HMCN2: variants seen among roughly 807,000 people sequenced by gnomAD.
The protein encoded by HMCN2 is hemicentin 2.
In HMCN2, 325 loss-of-function variants were observed where a neutral mutation model predicts 377.5. The ratio of observed to expected loss-of-function variants is 0.86; its 90% CI spans 0.79 to 0.94. The LOEUF (loss-of-function observed/expected upper bound fraction) is 0.94, where lower values mean the gene tolerates loss of function less well. HMCN2 is among the 40% of genes least tolerant of loss of function. The probability of loss-of-function intolerance (pLI) is 0.00; values close to 1 mark genes in which losing one functional copy is unlikely to be tolerated. For synonymous variants in HMCN2, 2,007 were observed against 2,046.8 expected (o/e 0.98, Z 0.53); for missense variants, 4,543 against 4,725.3 (o/e 0.96, Z 1.13).
chr9:130,402,859 C>T lies in HMCN2; in HGVS notation c.11841C>T (p.Ala3947=), dbSNP rs1007949111. The part of the protein sequence containing the change: ...GRYTCSARNS[A]GVAHKHVFLT... ...ACACCTGCTCAGCCCGCAACTCTGC[C>T]GGCGTAGCCCACAAGCACGTCTTCC... The change falls in exon 78 of 98, where the codon GCC becomes GCT. Residue 3947 remains alanine, a synonymous_variant. Coordinates refer to ENST00000683500, the MANE Select transcript of HMCN2 (RefSeq NM_001291815.2). 1.4e-5 allele frequency: 18 copies of T among 1,289,762 alleles called. 1 individual carries two copies. The highest frequency in any genetic ancestry group is 7.6e-5 in the African/African-American group (5 of 65,984). 79.9% of individuals were successfully genotyped at this position (1,289,762 alleles called of 1,614,324 possible).
chr9:130,409,712 A>G (rs11244215), intron 84 of HMCN2, among the ~76,000 whole-genome samples: 20,175 of 152,216 alleles, frequency 0.13, 1,695 homozygotes, highest in East Asian at 0.4. Flanking sequence ...ATTTTACAGA[A>G]GGGGTAACTG....
At position 130,360,371 on chromosome 9, in the gene HMCN2, C is replaced by A; in HGVS notation, c.5774-57C>A. 1.3e-5 allele frequency: 13 copies of A among 1,030,152 alleles called. No individual in the cohort carries two copies. The highest frequency in any genetic ancestry group is 1.6e-5 in the Non-Finnish European group (13 of 800,910). 63.8% of individuals were successfully genotyped at this position (1,030,152 alleles called of 1,614,324 possible). A position where few individuals can be genotyped will look rare whatever the true frequency, so the allele number is the denominator to read the frequency against. ...TTCCTTTCCCCCTTACTTCTCTCTTCCATTCCCCCTTGCTTCTCTCTTCCT... is the reference window on the plus strand; with the variant it reads ...TTCCTTTCCCCCTTACTTCTCTCTTACATTCCCCCTTGCTTCTCTCTTCCT... On this transcript the variant is annotated intron_variant, in intron 37 of 97. Coordinates refer to ENST00000683500, the MANE Select transcript of HMCN2 (RefSeq NM_001291815.2). This position sits in a 1 kb window ranked among gnomAD's most constrained non-coding sequence, Gnocchi z 4.7.
chr9:130,297,365 C>T (rs1836227359), intron 7 of HMCN2, among the ~76,000 whole-genome samples: 1 of 152,198 alleles, frequency 6.6e-6, no homozygotes, highest in African/African-American at 2.4e-5. Flanking sequence ...CCACCAGGGT[C>T]CGAGGATGCC....
Position 130,347,930 on chromosome 9 carries a change from C to T in HMCN2, c.4024+570C>T. On this transcript the variant is annotated intron_variant, in intron 26 of 97. Coordinates refer to ENST00000683500, the MANE Select transcript of HMCN2 (RefSeq NM_001291815.2). The surrounding 1 kb of genome is among the most constrained non-coding windows in gnomAD (Gnocchi z 5.1). ...CCCAGAGCCCACCTCCGGGTTAAAACTGTTACCCCTGGTCTCTTCTCACAT... is the reference window on the plus strand; with the variant it reads ...CCCAGAGCCCACCTCCGGGTTAAAATTGTTACCCCTGGTCTCTTCTCACAT... 1.1e-6 allele frequency: 1 copy of T among 923,558 alleles called. No homozygotes were observed. Among genetic ancestry groups the T allele is most frequent in the Non-Finnish European group, 1.3e-6 (1 of 773,876 alleles). The allele number at this position is 923,558 out of a possible 1,614,324, so 57.2% of individuals were successfully genotyped here. A position where few individuals can be genotyped will look rare whatever the true frequency, so the allele number is the denominator to read the frequency against.
intron 1 of HMCN2, among the ~76,000 whole-genome samples, chr9:130,284,324 C>A (rs1351859048): frequency 6.6e-6 from 1 of 152,154 alleles, no homozygotes. Flanking sequence ...AGGTTGGGAG[C>A]TGCTGTCCGG....
rs925574907 is a variant in HMCN2, at chr9:130,375,953, G to A, written c.7882G>A (p.Gly2628Arg). The A allele has an allele frequency of 2.3e-5, 23 of 985,744 alleles. No individual in the cohort carries two copies. The highest frequency in any genetic ancestry group is 5.2e-4 in the Middle Eastern group (1 of 1,938). The allele number at this position is 985,744 out of a possible 1,614,324, so 61.1% of individuals were successfully genotyped here. Residue 2628 changes from glycine to arginine, a missense_variant, in exon 51 of 98, where the codon GGG (glycine) becomes AGG (arginine). By Grantham distance (125) the Gly-to-Arg change is moderately radical. Transcript: ENST00000683500. ...CACCTGCGTGGTCACCAATGAGCTC[G>A]GGGAGGCCGTGAAAAACTACCATGT... The part of the protein sequence containing the change: ...QYTCVVTNEL[G>R]EAVKNYHVEV...
At chr9:130,286,987 C>T (rs1554928053) in intron 4 of HMCN2, among the ~76,000 whole-genome samples, 2 of 152,212 alleles carry the variant, frequency 1.3e-5, no homozygotes, top group East Asian at 1.9e-4. Flanking sequence ...AGCACAGGAT[C>T]CTTTCAGGGG....
At chr9:130,424,568 G>T (rs1844218646) in intron 87 of HMCN2, among the ~76,000 whole-genome samples, 1 of 152,136 alleles carries the variant, frequency 6.6e-6, no homozygotes, top group African/African-American at 2.4e-5. Flanking sequence ...ATTAATTTCA[G>T]TTACTCCAGG....
At chr9:130,272,201 C>T (rs1387278126) in intron 1 of HMCN2, among the ~76,000 whole-genome samples, 1 of 148,872 alleles carries the variant, frequency 6.7e-6, no homozygotes, top group Non-Finnish European at 1.5e-5. Flanking sequence ...AGGCCAACAC[C>T]TTCTTCAGCT....
intron 4 of HMCN2, among the ~76,000 whole-genome samples, chr9:130,293,006 CTACCTGCCTATA>C (rs1278836538): frequency 6.6e-6 from 1 of 152,040 alleles, no homozygotes; most frequent in Non-Finnish European, 1.5e-5. Flanking sequence ...ATCTACCTAC[CTACCTGCCTATA>C]TACCTACCTA....
rs899300535 is a variant in HMCN2 at position 130,394,428 on chromosome 9, G to A, written c.10545G>A (p.Ser3515=). The change falls in exon 69 of 98, where the codon TCG becomes TCA. Residue 3515 remains serine (S), a synonymous_variant. Coordinates refer to ENST00000683500, the MANE Select transcript of HMCN2 (RefSeq NM_001291815.2). The surrounding 1 kb of genome is among the most constrained non-coding windows in gnomAD (Gnocchi z 5.1). ...IEDSGQPTEL[S]LTPGAPMELL... ...ACTCAGGCCAGCCTACAGAGCTGTCGCTGACCCCCGGCGCCCCCATGGAGC... is the reference window on the plus strand; with the variant it reads ...ACTCAGGCCAGCCTACAGAGCTGTCACTGACCCCCGGCGCCCCCATGGAGC... 3 of 1,289,540 alleles carry A rather than the reference G, an allele frequency of 2.3e-6. No homozygotes were observed. The highest frequency in any genetic ancestry group is 3.0e-6 in the Non-Finnish European group (3 of 988,798). The allele number at this position is 1,289,540 out of a possible 1,614,324, so 79.9% of individuals were successfully genotyped here.
At chr9:130,383,975 G>T (rs1588360759) in intron 57 of HMCN2, among the ~76,000 whole-genome samples, 1 of 145,884 alleles carries the variant, frequency 6.9e-6, no homozygotes, top group African/African-American at 2.8e-5. Context: ...GAGTGGGATT[G>T]GGGGGGTCTC....
At position 130,428,322 on chromosome 9, in the gene HMCN2, A is replaced by G. The variant is rs1844514590; in HGVS notation, c.14066-36A>G. The G allele has an allele frequency of 6.7e-7, 1 of 1,499,800 alleles. No homozygotes were observed. Among genetic ancestry groups the G allele is most frequent in the Non-Finnish European group, 8.9e-7 (1 of 1,117,732 alleles). 92.9% of individuals were successfully genotyped at this position (1,499,800 alleles called of 1,614,324 possible). On this transcript the variant is annotated intron_variant, in intron 92 of 97. Coordinates refer to ENST00000683500, the MANE Select transcript of HMCN2 (RefSeq NM_001291815.2). This position sits in a 1 kb window ranked among gnomAD's most constrained non-coding sequence, Gnocchi z 5.0. The stretch of plus-strand genomic sequence containing the variant: ...AGGTGGCGAGGCACGCCTGGGGATC[A>G]TGTTCACACAGCCGTCTGCCCTGAT...
chr9:130,288,083 G>C (rs1285451134), intron 4 of HMCN2, among the ~76,000 whole-genome samples: 1 of 152,208 alleles, frequency 6.6e-6, no homozygotes, highest in East Asian at 1.9e-4. Flanking sequence ...TGGAAGGATG[G>C]GTTGGTTCTT....
rs914512062 is a variant in HMCN2, at chr9:130,271,230, C to G, written c.259+5093C>G. ...TTCAGATTTCTCCACTATAGAGTTA[C>G]TCTTTTTCCCCTCTCTCTTTCCATA... On this transcript the variant is annotated intron_variant, in intron 1 of 97. Transcript: ENST00000683500. Among the ~76,000 whole-genome samples the G allele has an allele frequency of 2.7e-5, 4 of 148,952 alleles. No homozygotes were observed. In the East Asian group the frequency reaches 7.7e-4, roughly 29 times the overall value.
chr9:130,335,036 G>A (rs1229034683), intron 22 of HMCN2, among the ~76,000 whole-genome samples: 1 of 152,080 alleles, frequency 6.6e-6, no homozygotes, highest in Non-Finnish European at 1.5e-5. Flanking sequence ...AGGTCTCCTT[G>A]TGTTACCCAG....
At chr9:130,420,002 C>A (rs965270795) in intron 86 of HMCN2, among the ~76,000 whole-genome samples, 1 of 151,586 alleles carries the variant, frequency 6.6e-6, no homozygotes, top group Non-Finnish European at 1.5e-5. Flanking sequence ...GCCAGAGATG[C>A]AGTCTCAGAG....
intron 8 of HMCN2, among the ~76,000 whole-genome samples, chr9:130,299,566 C>G (rs190470912): frequency 6.6e-6 from 1 of 151,814 alleles, no homozygotes; most frequent in Non-Finnish European, 1.5e-5. Flanking sequence ...CATGCACTGA[C>G]CCATTCACTC....
chr9:130,385,485 G>T, intron 59 of HMCN2, 75 bp from the exon 60 acceptor site: 2 of 1,111,918 alleles, frequency 1.8e-6, no homozygotes, highest in South Asian at 2.7e-5. Flanking sequence ...GTTTCCACTG[G>T]CATTTTCCCT....
Sources: gnomAD v4.1 joint callset for allele counts (sites outside exome capture counted in the v4.1 genomes callset) on GRCh38, gnomAD v4.1.1 for gene constraint, Gnocchi (gnomAD v3.1) non-coding constraint, MANE v1.5 for transcripts, NCBI Gene and HGNC (gene_info 2026-07-23, HGNC 2026-07-21) for gene names.